THBS4: variants seen among roughly 807,000 people sequenced by gnomAD.
THBS4 encodes the protein thrombospondin 4.
THBS4 carries 90 observed loss-of-function variants against 115.7 expected under a neutral mutation model. The ratio of observed to expected loss-of-function variants is 0.78; its 90% CI spans 0.66 to 0.93. The LOEUF is 0.93. Ranked by LOEUF, THBS4 falls within the 40% of genes least tolerant of loss-of-function variation. THBS4 has a pLI of 0.00. For missense variants in THBS4, 1,087 were observed against 1,232.7 expected (o/e 0.88, Z 1.77); for synonymous variants, 460 against 479.3 (o/e 0.96, Z 0.53).
intron 10 of THBS4, among the ~76,000 whole-genome samples, chr5:80,069,764 A>C (rs1833965627): frequency 6.6e-6 from 1 of 152,194 alleles, no homozygotes; most frequent in African/African-American, 2.4e-5. Flanking sequence ...GGAGCCCGGG[A>C]GGGTCTCTCT....
intron 8 of THBS4, among the ~76,000 whole-genome samples, chr5:80,063,402 TTTAAG>T (rs1561318393): frequency 2.0e-5 from 3 of 151,048 alleles, no homozygotes; most frequent in South Asian, 2.1e-4. Context: ...TATAAATTTG[TTTAAG>T]TTAAGTTCTT....
chr5:80,073,563 T>G (rs929601157), intron 15 of THBS4, among the ~76,000 whole-genome samples: 2 of 152,138 alleles, frequency 1.3e-5, no homozygotes, highest in African/African-American at 4.8e-5. Flanking sequence ...TTTTTGTATT[T>G]TCAGTAGAGA....
upstream of THBS4, among the ~76,000 whole-genome samples, chr5:80,032,471 A>G (rs1832604521): frequency 6.6e-6 from 1 of 152,202 alleles, no homozygotes; most frequent in South Asian, 2.1e-4. Context: ...GTATTGACGC[A>G]CGATCACAAG....
At chr5:80,050,622 AC>A (rs1833225261) in intron 2 of THBS4, among the ~76,000 whole-genome samples, 1 of 152,094 alleles carries the variant, frequency 6.6e-6, no homozygotes, top group Non-Finnish European at 1.5e-5. Context: ...AGGCTGCATG[AC>A]CTCTAAACTG....
At chr5:80,014,689 G>T (rs1832212911) in intron 2 of THBS4, among the ~76,000 whole-genome samples, 2 of 152,212 alleles carry the variant, frequency 1.3e-5, no homozygotes, top group African/African-American at 2.4e-5. Context: ...GGAATGTGAA[G>T]AAGAGACTTT....
intron 9 of THBS4, 196 bp from the exon 10 acceptor site, chr5:80,067,777 G>A (rs915282406): frequency 1.4e-5 from 8 of 554,918 alleles, no homozygotes; most frequent in African/African-American, 3.8e-5. Context: ...GTGGCCGGAC[G>A]CAGCCTCCAG....
At chr5:80,072,463 G>A (rs1834103421) in intron 14 of THBS4, 67 bp downstream of exon 14, 17 of 1,428,472 alleles carry the variant, frequency 1.2e-5, no homozygotes, top group South Asian at 2.3e-5. Context: ...CATTTAAGAC[G>A]GGTGTCTAGA....
chr5:80,013,753 A>C (rs1832192748), intron 2 of THBS4, among the ~76,000 whole-genome samples: 1 of 152,186 alleles, frequency 6.6e-6, no homozygotes, highest in Non-Finnish European at 1.5e-5. Context: ...CTAAGACTTC[A>C]TCTCCTCGTT....
rs1245405694 is a variant in THBS4, at chr5:80,040,156, T to A, written c.168T>A (p.Asn56Lys). ...LLPVLTDPAL[N>K]DLYVISTFKL... is the part of the protein sequence containing the mutation. ...CAGTCCTGACAGACCCCGCCCTGAATGATCTCTATGTGATTTCCACCTTCA... is the reference window on the plus strand; with the variant it reads ...CAGTCCTGACAGACCCCGCCCTGAAAGATCTCTATGTGATTTCCACCTTCA... The change falls in exon 2 of 22, where the codon AAT becomes AAA. Residue 56 changes from asparagine to lysine, a missense_variant. Asn to Lys is a moderately conservative substitution (Grantham distance 94). Around this residue, in one of 3 missense-constraint regions of THBS4, gnomAD observed 979 missense variants for 1,103.7 expected, o/e 0.89. Coordinates refer to ENST00000350881, the MANE Select transcript of THBS4 (RefSeq NM_003248.6). 2 of 1,614,062 alleles carry A rather than the reference T, an allele frequency of 1.2e-6. No individual in the cohort carries two copies. The highest frequency in any genetic ancestry group is 4.5e-5 in the East Asian group (2 of 44,886).
At chr5:80,076,217 T>C (rs2112158952) in intron 15 of THBS4, 1 of 152,304 alleles carries the variant, frequency 6.6e-6, no homozygotes, top group Admixed American at 6.5e-5. Context: ...ACTTTGCCCT[T>C]CTCCCCATGG....
chr5:80,068,105 C>G lies in THBS4; in HGVS notation c.1327C>G (p.Gln443Glu). The G allele has an allele frequency of 6.2e-7, 1 of 1,614,026 alleles. No homozygotes were observed. Among genetic ancestry groups the G allele is most frequent in the Non-Finnish European group, 8.5e-7 (1 of 1,180,004 alleles). The part of the protein sequence containing the change: ...SVNAQCIEER[Q>E]GDVTCVCGVG... ...GAATGCCCAGTGCATTGAAGAGAGG[C>G]AGGGGGATGTGACATGTGTGGTAAG... The change falls in exon 10 of 22, where the codon CAG (glutamine) becomes GAG (glutamate). Residue 443 changes from glutamine (Q) to glutamate (E), a missense_variant. Transcript: ENST00000350881.
intron 6 of THBS4, 62 bp from the exon 7 acceptor site, chr5:80,059,641 G>A: frequency 6.2e-7 from 1 of 1,602,616 alleles, no homozygotes; most frequent in East Asian, 2.2e-5. Context: ...ACCAAATTTT[G>A]TTTTGCCTTC....
chr5:80,061,583 T>C (rs1348547602), intron 7 of THBS4, 112 bp from the exon 8 acceptor site: 1 of 1,369,122 alleles, frequency 7.3e-7, no homozygotes, highest in East Asian at 2.3e-5. Flanking sequence ...TTTTATTATT[T>C]TTTCCACCAA....
At chr5:80,016,960 CCATT>C (rs1349349756) in intron 2 of THBS4, among the ~76,000 whole-genome samples, 11 of 152,244 alleles carry the variant, frequency 7.2e-5, no homozygotes, top group African/African-American at 2.6e-4. Flanking sequence ...ATTTATTGAT[CCATT>C]CAATTATGTT....
At chr5:80,069,641 G>A (rs960252087) in intron 10 of THBS4, among the ~76,000 whole-genome samples, 7 of 152,238 alleles carry the variant, frequency 4.6e-5, no homozygotes, top group Admixed American at 4.6e-4. Context: ...CATTAAAAAT[G>A]TATTTGTTCC....
At chr5:80,007,028 T>C (rs1456343832) in intron 2 of THBS4, among the ~76,000 whole-genome samples, 1 of 152,212 alleles carries the variant, frequency 6.6e-6, no homozygotes, top group African/African-American at 2.4e-5. Context: ...CAAAAATTCC[T>C]TCCCTTGTGG....
At chr5:80,008,437 T>G (rs1396984084) in intron 2 of THBS4, among the ~76,000 whole-genome samples, 1 of 152,114 alleles carries the variant, frequency 6.6e-6, no homozygotes, top group East Asian at 1.9e-4. Context: ...TGTTTTGAGA[T>G]GGAGTCTCAC....
chr5:80,073,319 T>C lies in THBS4; in HGVS notation c.1884T>C (p.Asn628=), dbSNP rs776297400. ...TGGTTGGGGACTCCTGTGACACCAA[T>C]CAGGACAGGTATGGCATGTCTCCCA... ...NDLVGDSCDT[N]QDSDGDGHQD... Residue 628 remains asparagine (N), a synonymous_variant, in exon 15 of 22, where the codon AAT becomes AAC. Coordinates refer to ENST00000350881, the MANE Select transcript of THBS4 (RefSeq NM_003248.6). The C allele has an allele frequency of 3.1e-6, 5 of 1,613,792 alleles. No homozygotes were observed. Among genetic ancestry groups the C allele is most frequent in the Non-Finnish European group, 4.2e-6 (5 of 1,179,912 alleles).
intron 20 of THBS4, chr5:80,082,159 G>A (rs923409188): frequency 4.6e-6 from 2 of 437,190 alleles, no homozygotes; most frequent in East Asian, 3.6e-5. Context: ...GACAGAAGTT[G>A]GGAAGAAACA....
Sources: gnomAD v4.1 joint callset for allele counts (sites outside exome capture counted in the v4.1 genomes callset) on GRCh38, gnomAD v4.1.1 for gene constraint, gnomAD v4.1.1 regional missense constraint, MANE v1.5 for transcripts, NCBI Gene and HGNC (gene_info 2026-07-23, HGNC 2026-07-21) for gene names.